THSD4: variants seen among roughly 807,000 people sequenced by gnomAD.
THSD4 encodes thrombospondin type-1 domain-containing protein 4.
Under a neutral mutation model 119.0 loss-of-function variants are expected in THSD4, and 69 were observed. That is an observed-to-expected ratio of 0.58 (90% CI 0.48 to 0.71). The LOEUF is 0.71. Ranked by LOEUF, THSD4 falls within the 30% of genes least tolerant of loss-of-function variation. THSD4 has a pLI of 0.00. For synonymous variants in THSD4, 524 were observed against 540.4 expected, an observed-to-expected ratio of 0.97 and a Z score of 0.42; for missense variants, 1,393 against 1,391.1, an observed-to-expected ratio of 1.00 and a Z score of -0.02.
chr15:71,545,892 G>A (rs2048830054), intron 7 of THSD4, among the ~76,000 whole-genome samples: 2 of 152,140 alleles, frequency 1.3e-5, no homozygotes, highest in South Asian at 2.1e-4. Flanking sequence ...TTCTGAGATG[G>A]CTACGAACTG....
At chr15:71,210,228 T>C (rs1018997881) in intron 3 of THSD4, among the ~76,000 whole-genome samples, 6 of 152,216 alleles carry the variant, frequency 3.9e-5, no homozygotes, top group Non-Finnish European at 7.4e-5. Context: ...ACTCTAGAAA[T>C]AAACTCTAAG....
At chr15:71,518,848 G>A (rs993170607) in intron 7 of THSD4, among the ~76,000 whole-genome samples, 5 of 152,146 alleles carry the variant, frequency 3.3e-5, no homozygotes, top group African/African-American at 1.2e-4. Flanking sequence ...TGGTTACTGT[G>A]GCCAGGCACT....
At chr15:71,706,436 G>C (rs1436640919) in intron 8 of THSD4, among the ~76,000 whole-genome samples, 1 of 152,160 alleles carries the variant, frequency 6.6e-6, no homozygotes, top group Non-Finnish European at 1.5e-5. Flanking sequence ...ATCTCTAACA[G>C]GTTGGGGAAA....
intron 3 of THSD4, among the ~76,000 whole-genome samples, chr15:71,166,084 T>C (rs909125455): frequency 6.6e-6 from 1 of 152,106 alleles, no homozygotes; most frequent in African/African-American, 2.4e-5. Context: ...CTGGCTGTTA[T>C]GATGGGTATG....
At chr15:71,344,093 C>T (rs1272768437) in intron 6 of THSD4, among the ~76,000 whole-genome samples, 3 of 142,610 alleles carry the variant, frequency 2.1e-5, no homozygotes, top group African/African-American at 7.9e-5. Flanking sequence ...GGCTGGAGTG[C>T]AGTGGCGCGA....
rs924729372 is a variant in THSD4, at chr15:71,387,812, G to T, written c.1016-23875G>T. ...TCCTGGTCAGCACAGCTTAGGAAAA[G>T]CATCTTAAAGATTTTTTTCTCAGCC... On this transcript the variant is annotated intron_variant, in intron 6 of 17. Coordinates refer to ENST00000261862, the MANE Select transcript of THSD4 (RefSeq NM_024817.3). Among the ~76,000 whole-genome samples, 9 of 152,316 alleles carry T rather than the reference G, an allele frequency of 5.9e-5. No homozygotes were observed. The South Asian group carries it at 8.3e-4, about 14-fold the overall frequency.
chr15:71,536,777 T>C (rs905053673), intron 7 of THSD4, among the ~76,000 whole-genome samples: 2 of 152,274 alleles, frequency 1.3e-5, no homozygotes, highest in East Asian at 3.9e-4. Flanking sequence ...TGTAGAATCT[T>C]TGATGTGTTT....
At chr15:71,490,047 T>G (rs1350375935) in intron 7 of THSD4, among the ~76,000 whole-genome samples, 5 of 152,234 alleles carry the variant, frequency 3.3e-5, no homozygotes. Context: ...ACATGAGCAT[T>G]TTCCCATTTC....
intron 6 of THSD4, among the ~76,000 whole-genome samples, chr15:71,321,698 ATG>A (rs1173275266): frequency 2.0e-5 from 3 of 152,214 alleles, no homozygotes; most frequent in Non-Finnish European, 4.4e-5. Flanking sequence ...GCAGTTATGA[ATG>A]TGAGAGTGCT....
intron 6 of THSD4, among the ~76,000 whole-genome samples, chr15:71,264,161 A>C (rs1418535073): frequency 6.6e-6 from 1 of 152,198 alleles, no homozygotes; most frequent in Non-Finnish European, 1.5e-5. Context: ...GTAAGATATG[A>C]GGGAGGGAGG....
chr15:71,605,543 C>T (rs1288321827), intron 7 of THSD4, among the ~76,000 whole-genome samples: 1 of 152,200 alleles, frequency 6.6e-6, no homozygotes, highest in Non-Finnish European at 1.5e-5. Context: ...GCTTGGACCA[C>T]ATGGCAGCAG....
chr15:71,111,979 GA>G, upstream of THSD4: 1 of 833,270 alleles, frequency 1.2e-6, no homozygotes, highest in Non-Finnish European at 1.8e-6. Flanking sequence ...TTATAAGTAA[GA>G]AAACTGTGTT....
At chr15:71,276,176 G>C (rs1467935686) in intron 6 of THSD4, among the ~76,000 whole-genome samples, 1 of 152,100 alleles carries the variant, frequency 6.6e-6, no homozygotes, top group Admixed American at 6.5e-5. Flanking sequence ...CTTTTATCTG[G>C]GTAAAATCTG....
At chr15:71,656,543 G>C (rs1416002010) in intron 7 of THSD4, among the ~76,000 whole-genome samples, 1 of 152,166 alleles carries the variant, frequency 6.6e-6, no homozygotes, top group Non-Finnish European at 1.5e-5. Context: ...TCACTTCTAG[G>C]CCAGGCCCTC....
intron 7 of THSD4, among the ~76,000 whole-genome samples, chr15:71,544,582 T>C (rs1283665305): frequency 6.6e-6 from 1 of 152,214 alleles, no homozygotes; most frequent in Non-Finnish European, 1.5e-5. Context: ...GTCACCACTA[T>C]GGAGAACAGT....
chr15:71,643,675 C>T (rs2050910480), intron 7 of THSD4, among the ~76,000 whole-genome samples: 1 of 152,190 alleles, frequency 6.6e-6, no homozygotes, highest in Non-Finnish European at 1.5e-5. Flanking sequence ...CTAATTAAAA[C>T]ATTAACATCT....
At chr15:71,304,681 A>T (rs905345377) in intron 6 of THSD4, among the ~76,000 whole-genome samples, 1 of 152,184 alleles carries the variant, frequency 6.6e-6, no homozygotes, top group African/African-American at 2.4e-5. Context: ...AGATGCCTAA[A>T]GGAGTTTCCA....
At chr15:71,228,563 T>C (rs898843233) in intron 4 of THSD4, among the ~76,000 whole-genome samples, 1 of 152,244 alleles carries the variant, frequency 6.6e-6, no homozygotes, top group Non-Finnish European at 1.5e-5. Context: ...AGGACCCTTA[T>C]GCATAAACTA....
At chr15:71,387,100 T>C (rs1389359565) in intron 6 of THSD4, among the ~76,000 whole-genome samples, 1 of 152,196 alleles carries the variant, frequency 6.6e-6, no homozygotes, top group Non-Finnish European at 1.5e-5. Flanking sequence ...AGTTTGCTTG[T>C]GTTTTGTTTT....
Sources: gnomAD v4.1 joint callset for allele counts (sites outside exome capture counted in the v4.1 genomes callset) on GRCh38, gnomAD v4.1.1 for gene constraint, MANE v1.5 for transcripts, NCBI Gene and HGNC (gene_info 2026-07-23, HGNC 2026-07-21) for gene names.